BICD1: variants seen among roughly 807,000 people sequenced by gnomAD.
The protein encoded by BICD1 is protein bicaudal D homolog 1.
BICD1 carries 35 observed loss-of-function variants against 92.5 expected under a neutral mutation model. The observed-to-expected ratio is 0.38, with a 90% CI of 0.29 to 0.50. The LOEUF is 0.50. Among genes scored for constraint, BICD1 ranks in the 20% least tolerant of loss-of-function variants. BICD1 has a pLI of 0.93. For synonymous variants in BICD1, 429 were observed against 465.1 expected (o/e 0.92, Z 1.00); for missense variants, 950 against 1,189.8 (o/e 0.80, Z 2.97).
chr12:32,174,431 A>G (rs1565564812), intron 1 of BICD1, among the ~76,000 whole-genome samples: 1 of 151,954 alleles, frequency 6.6e-6, no homozygotes, highest in African/African-American at 2.4e-5. Context: ...TAAGCCCAGG[A>G]GTTTGAGGCT....
chr12:32,214,824 T>C (rs931840485), intron 1 of BICD1, among the ~76,000 whole-genome samples: 12 of 152,198 alleles, frequency 7.9e-5, no homozygotes, highest in African/African-American at 2.9e-4. Flanking sequence ...AGCTAGGTTC[T>C]TTTGTTACTG....
chr12:32,365,623 T>C (rs1173862509), intron 8 of BICD1, among the ~76,000 whole-genome samples: 2 of 152,080 alleles, frequency 1.3e-5, no homozygotes, highest in African/African-American at 2.4e-5. Context: ...TTTACATCCA[T>C]TGCATTTACC....
chr12:32,116,486 CTCTCTTTCTCTCTCTCTCTCTCTCTATA>C (rs60494548), intron 1 of BICD1, among the ~76,000 whole-genome samples: 2,586 of 117,006 alleles, frequency 0.022, 75 homozygotes, highest in African/African-American at 0.077. Flanking sequence ...CTCTCTCTCT[CTCTCTTTCTCTCTCTCTCTCTCTCTATA>C]TATATATATA....
chr12:32,338,642 A>G, intron 7 of BICD1, 144 bp from the exon 8 acceptor site: 2 of 714,518 alleles, frequency 2.8e-6, no homozygotes, highest in Non-Finnish European at 2.1e-6. Flanking sequence ...GGAAACTAAA[A>G]AAAAAAAAAG....
intron 3 of BICD1, among the ~76,000 whole-genome samples, chr12:32,304,560 G>A (rs1308906242): frequency 1.3e-5 from 2 of 152,176 alleles, no homozygotes; most frequent in Non-Finnish European, 2.9e-5. Context: ...TACTTGTGGA[G>A]ATAAAATGTT....
At chr12:32,246,531 T>C (rs1794650640) in intron 2 of BICD1, among the ~76,000 whole-genome samples, 1 of 151,886 alleles carries the variant, frequency 6.6e-6, no homozygotes, top group Non-Finnish European at 1.5e-5. Flanking sequence ...TCAACTACTT[T>C]GGAGGCTAAG....
chr12:32,116,492 T>TCTCTCTCTC, intron 1 of BICD1, among the ~76,000 whole-genome samples: 1 of 122,996 alleles, frequency 8.1e-6, no homozygotes, highest in South Asian at 2.9e-4. Flanking sequence ...CTCTCTCTCT[T>TCTCTCTCTC]TCTCTCTCTC....
intron 2 of BICD1, among the ~76,000 whole-genome samples, chr12:32,268,474 G>A (rs760477354): frequency 6.6e-6 from 1 of 152,164 alleles, no homozygotes; most frequent in Non-Finnish European, 1.5e-5. Context: ...GCCACAGCAA[G>A]CAAGAAATTA....
chr12:32,153,797 G>A (rs943431023), intron 1 of BICD1, among the ~76,000 whole-genome samples: 90 of 149,842 alleles, frequency 6.0e-4, no homozygotes, highest in Middle Eastern at 3.5e-3. Flanking sequence ...GTGTGTGTGT[G>A]TATATATGTA....
chr12:32,264,024 T>C (rs1290445233), intron 2 of BICD1, among the ~76,000 whole-genome samples: 1 of 152,186 alleles, frequency 6.6e-6, no homozygotes, highest in Non-Finnish European at 1.5e-5. Flanking sequence ...TGTTTTAGAG[T>C]CAGATTGCAA....
At chr12:32,305,532 A>T (rs1948188247) in intron 3 of BICD1, among the ~76,000 whole-genome samples, 165 bp from the exon 4 acceptor site, 1 of 151,820 alleles carries the variant, frequency 6.6e-6, no homozygotes, top group African/African-American at 2.4e-5. Flanking sequence ...TTTCTAAAGA[A>T]ACTATCCTAT....
intron 4 of BICD1, among the ~76,000 whole-genome samples, chr12:32,308,657 G>A (rs1438229832): frequency 6.6e-6 from 1 of 152,146 alleles, no homozygotes; most frequent in East Asian, 1.9e-4. Context: ...GTGGATACTG[G>A]TAGGAATATA....
intron 2 of BICD1, among the ~76,000 whole-genome samples, chr12:32,255,740 A>T (rs901701901): frequency 6.6e-6 from 1 of 152,138 alleles, no homozygotes; most frequent in African/African-American, 2.4e-5. Context: ...TAGCTGGCTC[A>T]TTCTCATCAT....
intron 2 of BICD1, among the ~76,000 whole-genome samples, chr12:32,261,436 A>C (rs576084461): frequency 2.6e-5 from 4 of 152,100 alleles, no homozygotes; most frequent in Non-Finnish European, 5.9e-5. Flanking sequence ...GTTCGTATGC[A>C]TATAGAATGG....
chr12:32,315,925 C>T (rs910316888), intron 4 of BICD1, among the ~76,000 whole-genome samples: 8 of 151,884 alleles, frequency 5.3e-5, no homozygotes, highest in African/African-American at 1.5e-4. Flanking sequence ...CATCTGAGGT[C>T]GGGAGTTCGA....
intron 2 of BICD1, among the ~76,000 whole-genome samples, chr12:32,232,632 C>A (rs1359923476): frequency 2.0e-5 from 3 of 151,906 alleles, no homozygotes; most frequent in Non-Finnish European, 4.4e-5. Context: ...GTTGCCATTG[C>A]TTTTGGTGTT....
In BICD1 at chr12:32,338,797, C is replaced by G. The variant is rs1448539441; in HGVS notation, c.2582C>G (p.Pro861Arg). 8 of 1,577,744 alleles carry G rather than the reference C, an allele frequency of 5.1e-6. No individual in the cohort carries two copies. The highest frequency in any genetic ancestry group is 2.4e-5 in the East Asian group (1 of 42,282). Residue 861 changes from proline (P) to arginine (R), a missense_variant, in exon 8 of 10, where the codon CCT (proline) becomes CGT (arginine). Pro to Arg is a moderately radical substitution (Grantham distance 103). Around this residue, in one of 5 missense-constraint regions of BICD1, gnomAD observed 179 missense variants for 186.7 expected, o/e 0.96. Coordinates refer to ENST00000652176, the MANE Select transcript of BICD1 (RefSeq NM_001714.4). ...GGATCTCCTGCAAGACAATTTTCAC[C>G]TTCCCTTTGTGATCAGAGCCGTCCC... ...SGTQRKRQFS[P>R]SLCDQSRPRT...
At chr12:32,215,896 G>A (rs1945342419) in intron 1 of BICD1, among the ~76,000 whole-genome samples, 1 of 138,058 alleles carries the variant, frequency 7.2e-6, no homozygotes, top group Non-Finnish European at 1.5e-5. Context: ...GGAGCTTGCA[G>A]TGATCCGAGA....
At chr12:32,298,798 A>G (rs1333274445) in intron 3 of BICD1, among the ~76,000 whole-genome samples, 1 of 146,468 alleles carries the variant, frequency 6.8e-6, no homozygotes, top group Non-Finnish European at 1.5e-5. Context: ...TGAACCTGGG[A>G]GGCAGAGATT....
Sources: allele counts gnomAD v4.1 joint callset (sites outside exome capture counted in the v4.1 genomes callset), GRCh38; gene constraint gnomAD v4.1.1; regional missense constraint gnomAD v4.1.1; transcripts MANE v1.5; gene names NCBI Gene and HGNC (gene_info 2026-07-23, HGNC 2026-07-21).